The following IQGAP2 variants were observed in gnomAD, a reference collection of about 807,000 sequenced individuals.
The protein encoded by IQGAP2 is IQ motif containing GTPase activating protein 2, also known as ras GTPase-activating-like protein IQGAP2.
Under a neutral mutation model 201.3 loss-of-function variants are expected in IQGAP2, and 173 were observed. The ratio of observed to expected loss-of-function variants is 0.86; its 90% CI spans 0.76 to 0.98. The LOEUF is 0.98. Among genes scored for constraint, IQGAP2 ranks in the 50% least tolerant of loss-of-function variants. IQGAP2 has a pLI of 0.00. For missense variants in IQGAP2, 1,687 were observed against 1,864.8 expected, an observed-to-expected ratio of 0.90 and a Z score of 1.76; for synonymous variants, 675 against 673.9, an observed-to-expected ratio of 1.00 and a Z score of -0.03.
At position 76,674,346 on chromosome 5, in the gene IQGAP2, A is replaced by T. The variant is rs1250710265; in HGVS notation, c.3295-131A>T. ...TGCCTTTATTAAACTCCTTGTTAGG[A>T]TTTACATCAGAAAATGATCTGCTTT... is the stretch of plus-strand genomic sequence containing the variant. On this transcript the variant is annotated intron_variant, in intron 26 of 35. Transcript: ENST00000274364. 3.4e-5 allele frequency: 21 copies of T among 617,056 alleles called. No individual in the cohort carries two copies. In the East Asian group the frequency reaches 5.3e-4, roughly 16 times the overall value. 38.2% of individuals were successfully genotyped at this position (617,056 alleles called of 1,614,324 possible).
chr5:76,661,968 G>A (rs937242478), intron 21 of IQGAP2, among the ~76,000 whole-genome samples: 4 of 152,110 alleles, frequency 2.6e-5, no homozygotes, highest in Admixed American at 6.5e-5. Flanking sequence ...AGCCAAATAC[G>A]GTTGCTCTTT....
intron 2 of IQGAP2, among the ~76,000 whole-genome samples, chr5:76,517,949 G>T (rs1034250116): frequency 6.6e-6 from 1 of 151,910 alleles, no homozygotes. Flanking sequence ...AAATAAAGAC[G>T]TTTATTTTAT....
chr5:76,683,157 G>T lies in IQGAP2; in HGVS notation c.3703G>T (p.Asp1235Tyr). The part of the protein sequence containing the change: ...HQDAIAPEKN[D>Y]LLSELLGSLG... The stretch of plus-strand genomic sequence containing the variant: ...GGATGCAATTGCCCCTGAGAAAAAT[G>T]ACTTACTGAGTGAATTGCTGGGGTC... Residue 1235 changes from aspartate to tyrosine, a missense_variant, in exon 29 of 36, where the codon GAC becomes TAC. Coordinates refer to ENST00000274364, the MANE Select transcript of IQGAP2 (RefSeq NM_006633.5). The T allele has an allele frequency of 6.2e-7, 1 of 1,612,652 alleles. No individual in the cohort carries two copies. Among genetic ancestry groups the T allele is most frequent in the Non-Finnish European group, 8.5e-7 (1 of 1,179,292 alleles).
chr5:76,555,141 G>A (rs972847754), intron 2 of IQGAP2, among the ~76,000 whole-genome samples: 1 of 152,116 alleles, frequency 6.6e-6, no homozygotes, highest in African/African-American at 2.4e-5. Flanking sequence ...TAGGGGCTTG[G>A]GGGTAAATGG....
At chr5:76,581,541 T>C in intron 5 of IQGAP2, among the ~76,000 whole-genome samples, 1 of 152,222 alleles carries the variant, frequency 6.6e-6, no homozygotes, top group East Asian at 1.9e-4. Context: ...CTCCTCTTTC[T>C]GTCCTAAATT....
At chr5:76,662,599 T>C (rs972763780) in intron 21 of IQGAP2, among the ~76,000 whole-genome samples, 2 of 152,276 alleles carry the variant, frequency 1.3e-5, no homozygotes, top group South Asian at 4.1e-4. Flanking sequence ...TTTGAGGGAG[T>C]TGAACGATTT....
chr5:76,492,100 T>A (rs1035309493), intron 2 of IQGAP2, among the ~76,000 whole-genome samples: 1 of 152,170 alleles, frequency 6.6e-6, no homozygotes, highest in Non-Finnish European at 1.5e-5. Flanking sequence ...TAAATGTTGA[T>A]CAACTGTATG....
chr5:76,431,683 C>T (rs949679007), intron 1 of IQGAP2, among the ~76,000 whole-genome samples: 3 of 151,970 alleles, frequency 2.0e-5, no homozygotes, highest in South Asian at 2.1e-4. Flanking sequence ...ATTAGCCAAG[C>T]GTGGTAGCGC....
At chr5:76,581,419 A>G (rs904904507) in intron 5 of IQGAP2, among the ~76,000 whole-genome samples, 1 of 152,218 alleles carries the variant, frequency 6.6e-6, no homozygotes, top group Non-Finnish European at 1.5e-5. Flanking sequence ...GGATATCTGG[A>G]GATGGCAGTA....
intron 11 of IQGAP2, among the ~76,000 whole-genome samples, chr5:76,605,605 G>A (rs947061801): frequency 2.6e-5 from 4 of 152,260 alleles, no homozygotes; most frequent in African/African-American, 7.2e-5. Flanking sequence ...GACAACATAC[G>A]GTAAAGATTG....
At position 76,602,000 on chromosome 5, in the gene IQGAP2, A is replaced by G. The variant is rs1393049258; in HGVS notation, c.1232+1028A>G. Among the ~76,000 whole-genome samples, 4 of 152,242 alleles carry G rather than the reference A, an allele frequency of 2.6e-5. No homozygotes were observed. In the East Asian group the frequency reaches 7.7e-4, roughly 29 times the overall value. ...ACTGTTTCTGTTACTTGTTAATGGCACCATTCTCTCCTGTAAGCTTAGAAA... is the reference window on the plus strand; with the variant it reads ...ACTGTTTCTGTTACTTGTTAATGGCGCCATTCTCTCCTGTAAGCTTAGAAA... On this transcript the variant is annotated intron_variant, in intron 11 of 35. Transcript: ENST00000274364.
intron 2 of IQGAP2, among the ~76,000 whole-genome samples, chr5:76,475,837 C>T (rs1431789406): frequency 6.6e-6 from 1 of 152,024 alleles, no homozygotes; most frequent in Non-Finnish European, 1.5e-5. Context: ...TTGATTTTTT[C>T]AGAGAACCTT....
At chr5:76,694,052 A>G (rs1444472112) in intron 31 of IQGAP2, 1 of 152,256 alleles carries the variant, frequency 6.6e-6, no homozygotes, top group Admixed American at 6.5e-5. Context: ...TTAATTAACT[A>G]TTTCTTAGCA....
intron 2 of IQGAP2, among the ~76,000 whole-genome samples, chr5:76,504,249 C>T (rs1231116753): frequency 6.6e-6 from 1 of 152,186 alleles, no homozygotes; most frequent in Admixed American, 6.5e-5. Context: ...CTGTTCGACA[C>T]CTCTTGTCCT....
chr5:76,594,801 C>T (rs1039014990), intron 9 of IQGAP2, among the ~76,000 whole-genome samples: 2 of 151,944 alleles, frequency 1.3e-5, no homozygotes, highest in African/African-American at 4.8e-5. Context: ...CCTGTCTCTA[C>T]TAAAAATACA....
At chr5:76,577,902 A>G (rs1427075126) in intron 5 of IQGAP2, among the ~76,000 whole-genome samples, 1 of 152,226 alleles carries the variant, frequency 6.6e-6, no homozygotes, top group African/African-American at 2.4e-5. Flanking sequence ...TAGGCAGGTC[A>G]GAGATTCTGA....
chr5:76,535,987 T>C lies in IQGAP2; in HGVS notation c.147-26409T>C, dbSNP rs189495173. 2.0e-5 allele frequency among the ~76,000 whole-genome samples: 3 copies of C among 152,104 alleles called. No homozygotes were observed. The East Asian group carries it at 5.8e-4, about 29-fold the overall frequency. On this transcript the variant is annotated intron_variant, in intron 2 of 35. Coordinates refer to ENST00000274364, the MANE Select transcript of IQGAP2 (RefSeq NM_006633.5). ...CATAAACTAGGAGAAGGAAATAACA[T>C]TAACATTAAATTTGTTCCTTAGAAC...
chr5:76,581,626 CA>C (rs1171047450), intron 5 of IQGAP2, among the ~76,000 whole-genome samples: 2 of 152,226 alleles, frequency 1.3e-5, no homozygotes, highest in East Asian at 3.8e-4. Flanking sequence ...CTTGTTACTT[CA>C]TACAGCTTAC....
chr5:76,694,402 AT>A (rs751699647), intron 31 of IQGAP2, among the ~76,000 whole-genome samples: 2 of 152,188 alleles, frequency 1.3e-5, no homozygotes, highest in Non-Finnish European at 2.9e-5. Context: ...ACTCCTTACT[AT>A]TTTTCATTTT....
Sources: gnomAD v4.1 joint callset for allele counts (sites outside exome capture counted in the v4.1 genomes callset) on GRCh38, gnomAD v4.1.1 for gene constraint, MANE v1.5 for transcripts, NCBI Gene and HGNC (gene_info 2026-07-23, HGNC 2026-07-21) for gene names.